The following ZNF787 variants were observed in gnomAD, a reference collection of about 807,000 sequenced individuals.
The protein encoded by ZNF787 is TTF-I-interacting peptide 20.
In ZNF787, 7 loss-of-function variants were observed where a neutral mutation model predicts 16.9. The observed-to-expected ratio is 0.42, with a 90% CI of 0.24 to 0.78. ZNF787 has a LOEUF of 0.78. Ranked by LOEUF, ZNF787 falls within the 30% of genes least tolerant of loss-of-function variation. ZNF787 has a pLI of 0.30. For missense variants in ZNF787, 551 were observed against 589.3 expected (o/e 0.94, Z 0.67); for synonymous variants, 345 against 270.9 (o/e 1.27, Z -2.69).
At chr19:56,105,426 A>G (rs761499142) in intron 1 of ZNF787, 3 of 152,210 alleles carry the variant, frequency 2.0e-5, no homozygotes, top group Non-Finnish European at 4.4e-5. Flanking sequence ...TGCCGGCCTG[A>G]GTGCAGCGGT....
At chr19:56,117,488 TCA>T (rs1271626302) in intron 1 of ZNF787, among the ~76,000 whole-genome samples, 1 of 151,596 alleles carries the variant, frequency 6.6e-6, no homozygotes, top group Non-Finnish European at 1.5e-5. Flanking sequence ...TAGTACAATC[TCA>T]CACAGCCACA....
At chr19:56,115,553 A>G (rs2030109681) in intron 1 of ZNF787, among the ~76,000 whole-genome samples, 1 of 151,630 alleles carries the variant, frequency 6.6e-6, no homozygotes, top group Admixed American at 6.6e-5. Flanking sequence ...AGAGACGGGG[A>G]TTCACCATGT....
chr19:56,100,552 T>C (rs1031557950), intron 2 of ZNF787, among the ~76,000 whole-genome samples: 1 of 151,292 alleles, frequency 6.6e-6, no homozygotes, highest in Non-Finnish European at 1.5e-5. Context: ...TATGCTCCTC[T>C]CCAGATGCCT....
Position 56,088,424 on chromosome 19 carries a change from C to A in ZNF787, c.748G>T (p.Gly250Cys). ...GCTGCCGCGGCCGCGGCCCCCTCGCCCGGCGCGCCCACCACGATGATGCCC... is the reference window on the plus strand; with the variant it reads ...GCTGCCGCGGCCGCGGCCCCCTCGCACGGCGCGCCCACCACGATGATGCCC... ...GEGIIVVGAPGEGAAAAAAMA... is the reference protein window; with the variant it reads ...GEGIIVVGAPCEGAAAAAAMA... The change falls in exon 3 of 3, where the codon GGC (glycine) becomes TGC (cysteine). Residue 250 changes from glycine (G) to cysteine (C), a missense_variant. Coordinates refer to ENST00000610935, the MANE Select transcript of ZNF787 (RefSeq NM_001002836.4). This position sits in a 1 kb window ranked among gnomAD's most constrained non-coding sequence, Gnocchi z 8.6. 8.6e-7 allele frequency: 1 copy of A among 1,166,880 alleles called. No homozygotes were observed. The highest frequency in any genetic ancestry group is 1.1e-6 in the Non-Finnish European group (1 of 946,674). The allele number at this position is 1,166,880 out of a possible 1,614,324, so 72.3% of individuals were successfully genotyped here.
intron 2 of ZNF787, among the ~76,000 whole-genome samples, chr19:56,091,920 AGCCG>A (rs1377137861): frequency 5.1e-5 from 5 of 98,582 alleles, no homozygotes; most frequent in African/African-American, 2.6e-4. Flanking sequence ...CCGCAGCCGC[AGCCG>A]AAGCCGAAGC....
chr19:56,088,004 C>A lies in ZNF787; in HGVS notation c.*19G>T. 8.4e-7 allele frequency: 1 copy of A among 1,193,212 alleles called. No individual in the cohort carries two copies. Among genetic ancestry groups the A allele is most frequent in the East Asian group, 4.1e-5 (1 of 24,170 alleles). The allele number at this position is 1,193,212 out of a possible 1,614,324, so 73.9% of individuals were successfully genotyped here. A position where few individuals can be genotyped will look rare whatever the true frequency, so the allele number is the denominator to read the frequency against. ...CAAGCCCGAGGGGCCCTGCCCGCCC[C>A]CCCCCCCGGGCCCCTCCCCTACCGG... On this transcript the variant is annotated 3_prime_UTR_variant, in exon 3 of 3. Transcript: ENST00000610935. The surrounding 1 kb of genome is among the most constrained non-coding windows in gnomAD (Gnocchi z 8.6).
At chr19:56,110,313 T>C (rs2029940663) in intron 1 of ZNF787, among the ~76,000 whole-genome samples, 1 of 144,476 alleles carries the variant, frequency 6.9e-6, no homozygotes, top group African/African-American at 2.6e-5. Context: ...TGAGCTGAGA[T>C]CACACGCCAC....
intron 1 of ZNF787, among the ~76,000 whole-genome samples, chr19:56,109,392 G>A (rs550503522): frequency 6.6e-6 from 1 of 152,186 alleles, no homozygotes; most frequent in East Asian, 1.9e-4. Context: ...CGTGAAACAC[G>A]CCCTCCTCGT....
Position 56,088,043 on chromosome 19 carries a change from G to A in ZNF787, c.1129C>T (p.Arg377Cys), listed in dbSNP as rs1209988868. ...CTCCCCTACCGGCCCTCCCCACCGC[G>A]GCACTCGGGGCACCGCCCGCCCGCG... is the stretch of plus-strand genomic sequence containing the variant. ...EAAGGRCPEC[R>C]GGEGR Residue 377 changes from arginine (R) to cysteine (C), a missense_variant, in exon 3 of 3, where the codon CGC (arginine) becomes TGC (cysteine). Arg to Cys is a radical substitution (Grantham distance 180). This residue lies in a region of ZNF787 where 392 missense variants were observed against 312.7 expected (regional missense o/e 1.25). Transcript: ENST00000610935. This position sits in a 1 kb window ranked among gnomAD's most constrained non-coding sequence, Gnocchi z 8.6. 2.7e-6 allele frequency: 3 copies of A among 1,125,298 alleles called. No individual in the cohort carries two copies. Among genetic ancestry groups the A allele is most frequent in the East Asian group, 5.0e-5 (1 of 19,924 alleles). 69.7% of individuals were successfully genotyped at this position (1,125,298 alleles called of 1,614,324 possible). A position where few individuals can be genotyped will look rare whatever the true frequency, so the allele number is the denominator to read the frequency against.
Position 56,087,737 on chromosome 19 carries a change from T to A in ZNF787, c.*286A>T. ...CTTCCGCTTGGGGCCTGGTCGCCAC[T>A]CGGCCTCTGCAGTTCTCTCCATTGT... On this transcript the variant is annotated 3_prime_UTR_variant, in exon 3 of 3. Transcript: ENST00000610935. The A allele has an allele frequency of 3.8e-6, 1 of 262,476 alleles. No individual in the cohort carries two copies. The highest frequency in any genetic ancestry group is 6.5e-6 in the Non-Finnish European group (1 of 153,090). The allele number at this position is 262,476 out of a possible 1,614,324, so 16.3% of individuals were successfully genotyped here. A position where few individuals can be genotyped will look rare whatever the true frequency, so the allele number is the denominator to read the frequency against.
intron 2 of ZNF787, among the ~76,000 whole-genome samples, chr19:56,091,218 CGT>C (rs1555775422): frequency 6.6e-6 from 1 of 152,166 alleles, no homozygotes; most frequent in Non-Finnish European, 1.5e-5. Flanking sequence ...TTGTTGTCAC[CGT>C]AAACCGAGCC....
intron 1 of ZNF787, among the ~76,000 whole-genome samples, chr19:56,108,574 GGC>G: frequency 6.6e-6 from 1 of 152,020 alleles, no homozygotes; most frequent in Non-Finnish European, 1.5e-5. Context: ...CTGCTTAGCT[GGC>G]CTGTCCTCCC....
chr19:56,110,402 AAT>A (rs2029946618), intron 1 of ZNF787, among the ~76,000 whole-genome samples: 1 of 152,112 alleles, frequency 6.6e-6, no homozygotes, highest in Admixed American at 6.5e-5. Flanking sequence ...GAAATGTTGT[AAT>A]ACATTAATTG....
intron 1 of ZNF787, chr19:56,103,442 G>A: frequency 2.2e-6 from 1 of 444,500 alleles, no homozygotes; most frequent in Admixed American, 4.0e-5. Flanking sequence ...CACAGCCGCA[G>A]GAAGGACTCA....
chr19:56,115,618 C>G (rs1014935234), intron 1 of ZNF787, among the ~76,000 whole-genome samples: 1 of 152,104 alleles, frequency 6.6e-6, no homozygotes, highest in African/African-American at 2.4e-5. Flanking sequence ...CCTGGACTCG[C>G]GCAGCAGCCT....
Position 56,087,895 on chromosome 19 carries a change from C to CG in ZNF787, c.*127dup. ...CGGACGGCGCAGGGACAGAGGAGGGCGGGGAGCCGGGGATGCCGCGGGGTC... is the reference window on the plus strand; with the variant it reads ...CGGACGGCGCAGGGACAGAGGAGGGCGGGGGAGCCGGGGATGCCGCGGGGTC... On this transcript the variant is annotated 3_prime_UTR_variant, in exon 3 of 3. Transcript: ENST00000610935. 2 of 1,267,146 alleles carry CG rather than the reference C, an allele frequency of 1.6e-6. No individual in the cohort carries two copies. The highest frequency in any genetic ancestry group is 2.3e-5 in the South Asian group (1 of 43,738). The allele number at this position is 1,267,146 out of a possible 1,614,324, so 78.5% of individuals were successfully genotyped here.
chr19:56,098,458 A>G, intron 2 of ZNF787, among the ~76,000 whole-genome samples: 1 of 149,170 alleles, frequency 6.7e-6, no homozygotes, highest in African/African-American at 2.5e-5. Flanking sequence ...ATACGGCCGC[A>G]GGGTGATTAC....
Position 56,088,593 on chromosome 19 carries a change from G to A in ZNF787, c.579C>T (p.Leu193=), listed in dbSNP as rs1985444370. The change falls in exon 3 of 3, where the codon CTC becomes CTT. Residue 193 remains leucine (L), a synonymous_variant. Coordinates refer to ENST00000610935, the MANE Select transcript of ZNF787 (RefSeq NM_001002836.4). The surrounding 1 kb of genome is among the most constrained non-coding windows in gnomAD (Gnocchi z 8.6). ...CCGGGTGCAGCCGCAGGTGACGCGC[G>A]AGGCTCTTGGGCTGGCTGAAGCCGC... ...CGRGFSQPKS[L]ARHLRLHPEL... 19 of 1,514,998 alleles carry A rather than the reference G, an allele frequency of 1.3e-5. No individual in the cohort carries two copies. The highest frequency in any genetic ancestry group is 1.6e-5 in the Non-Finnish European group (18 of 1,138,840). The allele number at this position is 1,514,998 out of a possible 1,614,324, so 93.8% of individuals were successfully genotyped here.
chr19:56,090,544 C>T (rs1007992113), intron 2 of ZNF787, among the ~76,000 whole-genome samples: 1 of 152,072 alleles, frequency 6.6e-6, no homozygotes, highest in Non-Finnish European at 1.5e-5. Context: ...ATGCACTGCC[C>T]GGAGCGGTGG....
Sources: gnomAD v4.1 joint callset for allele counts (sites outside exome capture counted in the v4.1 genomes callset) on GRCh38, gnomAD v4.1.1 for gene constraint, gnomAD v4.1.1 regional missense constraint, Gnocchi (gnomAD v3.1) non-coding constraint, MANE v1.5 for transcripts, NCBI Gene and HGNC (gene_info 2026-07-23, HGNC 2026-07-21) for gene names.